The following ATP10B variants were observed in gnomAD, a reference collection of about 807,000 sequenced individuals.
ATP10B encodes the protein ATPase phospholipid transporting 10B (putative).
Under a neutral mutation model 141.2 loss-of-function variants are expected in ATP10B, and 122 were observed. That is an observed-to-expected ratio of 0.86 (90% CI 0.75 to 1.00). The LOEUF is 1.00. Among genes scored for constraint, ATP10B ranks in the 50% least tolerant of loss-of-function variants. ATP10B has a pLI of 0.00. For synonymous variants in ATP10B, 685 were observed against 692.0 expected (o/e 0.99, Z 0.16); for missense variants, 1,876 against 1,825.3 (o/e 1.03, Z -0.51).
At chr5:160,594,584 A>G (rs1756547737) in intron 22 of ATP10B, among the ~76,000 whole-genome samples, 1 of 151,900 alleles carries the variant, frequency 6.6e-6, no homozygotes, top group Non-Finnish European at 1.5e-5. Context: ...ATTAAAAGAC[A>G]CAGACTGGCA....
At chr5:160,829,436 C>A (rs1038780953) in intron 1 of ATP10B, among the ~76,000 whole-genome samples, 4 of 151,900 alleles carry the variant, frequency 2.6e-5, no homozygotes, top group African/African-American at 9.7e-5. Context: ...TATTTGCACT[C>A]TTTTTTTGGT....
intron 1 of ATP10B, among the ~76,000 whole-genome samples, chr5:160,803,155 T>C (rs909059756): frequency 1.3e-5 from 2 of 152,202 alleles, no homozygotes; most frequent in African/African-American, 2.4e-5. Flanking sequence ...ACTTTAGATC[T>C]CTAAACCTCA....
intron 5 of ATP10B, chr5:160,687,178 T>G: frequency 6.5e-6 from 1 of 152,748 alleles, no homozygotes; most frequent in East Asian, 1.9e-4. Context: ...CTTAGAAGTA[T>G]CTATTGTAGT....
the ATP10B span, among the ~76,000 whole-genome samples, chr5:160,890,965 G>A: frequency 6.6e-6 from 1 of 151,930 alleles, no homozygotes; most frequent in Non-Finnish European, 1.5e-5. Flanking sequence ...ACTATGAGTG[G>A]TGCAGCTATG....
At chr5:160,641,033 A>C (rs1477002520) in intron 9 of ATP10B, among the ~76,000 whole-genome samples, 4 of 152,238 alleles carry the variant, frequency 2.6e-5, no homozygotes, top group African/African-American at 9.6e-5. Flanking sequence ...GGCAAGACAT[A>C]GGGTTCACAT....
chr5:160,833,648 T>G (rs1205179870), intron 1 of ATP10B, among the ~76,000 whole-genome samples: 1 of 152,064 alleles, frequency 6.6e-6, no homozygotes, highest in African/African-American at 2.4e-5. Flanking sequence ...ACAAATATTA[T>G]AAAATAACTA....
At chr5:160,582,975 C>A (rs867703160) in intron 24 of ATP10B, among the ~76,000 whole-genome samples, 18 of 152,194 alleles carry the variant, frequency 1.2e-4, no homozygotes, top group Admixed American at 2.6e-4. Context: ...GTTAGCCATC[C>A]CTCTAATCTT....
upstream of ATP10B, among the ~76,000 whole-genome samples, chr5:160,855,481 G>GT (rs1039309229): frequency 0.018 from 2,580 of 143,802 alleles, 71 homozygotes; most frequent in African/African-American, 0.06. Context: ...ATTTTTGTTT[G>GT]TTTTTTTTTT....
intron 13 of ATP10B, among the ~76,000 whole-genome samples, chr5:160,628,006 C>A (rs1758698771): frequency 6.6e-6 from 1 of 152,202 alleles, no homozygotes. Flanking sequence ...ATTATGGCAA[C>A]ATTTTCCTGG....
rs552413291 is a variant in ATP10B at position 160,688,853 on chromosome 5, ACTGTCCAGTCAG to A, written c.-126_-115del. ...GTCCATGAGGTGACTGGGCTGTGCT[ACTGTCCAGTCAG>A]CTGGCTTTTCTTAATCTAGATGGCT... On this transcript the variant is annotated 5_prime_UTR_variant, in exon 4 of 26. An upstream open reading frame in the 5' UTR loses its in-frame stop. Coordinates refer to ENST00000327245, the MANE Select transcript of ATP10B (RefSeq NM_025153.3). 181 of 985,418 alleles carry A rather than the reference ACTGTCCAGTCAG, an allele frequency of 1.8e-4. 2 individuals carry two copies. The Admixed American group carries it at 9.3e-3, about 51-fold the overall frequency. 61.0% of individuals were successfully genotyped at this position (985,418 alleles called of 1,614,324 possible).
At chr5:160,754,392 A>G (rs1465603921) in intron 2 of ATP10B, among the ~76,000 whole-genome samples, 1 of 152,210 alleles carries the variant, frequency 6.6e-6, no homozygotes, top group African/African-American at 2.4e-5. Context: ...GGAAAGAGAC[A>G]CTGAAAAGTC....
At chr5:160,607,334 A>C (rs949027580) in intron 18 of ATP10B, among the ~76,000 whole-genome samples, 13 of 152,246 alleles carry the variant, frequency 8.5e-5, no homozygotes, top group African/African-American at 3.1e-4. Flanking sequence ...TAGCTCAGCA[A>C]GATGGAGATA....
chr5:160,671,583 G>A (rs1276487093), intron 6 of ATP10B, among the ~76,000 whole-genome samples: 1 of 152,142 alleles, frequency 6.6e-6, no homozygotes, highest in Non-Finnish European at 1.5e-5. Flanking sequence ...CACAGTAACT[G>A]TGGAATTAGA....
intron 22 of ATP10B, among the ~76,000 whole-genome samples, chr5:160,592,736 T>TA (rs1280793634): frequency 2.6e-5 from 4 of 152,140 alleles, no homozygotes; most frequent in Non-Finnish European, 5.9e-5. Flanking sequence ...CCAACAGGCT[T>TA]AAAAAATGGC....
intron 1 of ATP10B, among the ~76,000 whole-genome samples, chr5:160,844,798 G>A (rs937817884): frequency 2.0e-5 from 3 of 152,080 alleles, no homozygotes; most frequent in Non-Finnish European, 4.4e-5. Context: ...GCCCACCTTG[G>A]CCTCCCAAAG....
chr5:160,581,652 A>C (rs1180670158), intron 24 of ATP10B, among the ~76,000 whole-genome samples: 2 of 152,220 alleles, frequency 1.3e-5, no homozygotes, highest in Non-Finnish European at 1.5e-5. Context: ...AGTTCTGTAG[A>C]TGTCTATTAG....
At chr5:160,734,724 AG>A (rs1218856872) in intron 2 of ATP10B, among the ~76,000 whole-genome samples, 2 of 152,064 alleles carry the variant, frequency 1.3e-5, no homozygotes, top group Non-Finnish European at 2.9e-5. Flanking sequence ...TTGAAACAGA[AG>A]GGTCAAGTTG....
intron 2 of ATP10B, among the ~76,000 whole-genome samples, chr5:160,767,525 C>G (rs1040630672): frequency 6.6e-6 from 1 of 151,752 alleles, no homozygotes; most frequent in African/African-American, 2.4e-5. Flanking sequence ...AATCCAAAGT[C>G]CTCATATTGG....
intron 17 of ATP10B, chr5:160,614,474 G>A (rs1446541508): frequency 2.6e-5 from 4 of 152,202 alleles, no homozygotes; most frequent in Non-Finnish European, 4.4e-5. Context: ...AAGGGATCAG[G>A]AGCCTGAATG....
Sources: gnomAD v4.1 joint callset for allele counts (sites outside exome capture counted in the v4.1 genomes callset) on GRCh38, gnomAD v4.1.1 for gene constraint, MANE v1.5 for transcripts, NCBI Gene and HGNC (gene_info 2026-07-23, HGNC 2026-07-21) for gene names.